Variants in MLPH observed in about 807,000 individuals in gnomAD.
The protein encoded by MLPH is exophilin-3.
In MLPH, 51 loss-of-function variants were observed where a neutral mutation model predicts 72.1. The ratio of observed to expected loss-of-function variants is 0.71; its 90% CI spans 0.56 to 0.89. MLPH has a LOEUF of 0.89. Among genes scored for constraint, MLPH ranks in the 40% least tolerant of loss-of-function variants. The pLI is 0.00. For synonymous variants in MLPH, 301 were observed against 310.1 expected, an observed-to-expected ratio of 0.97 and a Z score of 0.31; for missense variants, 743 against 759.9, an observed-to-expected ratio of 0.98 and a Z score of 0.26.
At chr2:237,543,036 G>A (rs1269293976) in intron 12 of MLPH, among the ~76,000 whole-genome samples, 3 of 70,588 alleles carry the variant, frequency 4.3e-5, no homozygotes, top group African/African-American at 6.8e-5. Flanking sequence ...GGGGACAGTA[G>A]TGAGTGGGGG....
At chr2:237,497,039 A>G (rs1328646900) in intron 2 of MLPH, among the ~76,000 whole-genome samples, 2 of 152,126 alleles carry the variant, frequency 1.3e-5, no homozygotes, top group Non-Finnish European at 2.9e-5. Context: ...GGCTGGGGGC[A>G]GGGTTGGAGA....
chr2:237,547,013 T>A (rs2080934646), intron 13 of MLPH, among the ~76,000 whole-genome samples: 1 of 152,220 alleles, frequency 6.6e-6, no homozygotes, highest in Admixed American at 6.5e-5. Context: ...TCAGTCCTCC[T>A]GGGGGCTCTG....
At chr2:237,546,739 C>T in intron 13 of MLPH, 56 bp downstream of exon 13, 1 of 1,466,460 alleles carries the variant, frequency 6.8e-7, no homozygotes. Context: ...AGACTGCACC[C>T]CTTTCCAGCA....
rs557090472 is a variant in MLPH at position 237,509,041 on chromosome 2, C to T, written c.111-1533C>T. Among the ~76,000 whole-genome samples the T allele has an allele frequency of 2.0e-5, 3 of 152,246 alleles. No individual in the cohort carries two copies. The South Asian group carries it at 6.2e-4, about 32-fold the overall frequency. On this transcript the variant is annotated intron_variant, in intron 2 of 15. Coordinates refer to ENST00000264605, the MANE Select transcript of MLPH (RefSeq NM_024101.7). Reference sequence around the variant, plus strand: ...AGCAGAGTGCATGGAGTGCTCTGGCCCCATTCACTCCTCAGGATCGGAAGC... The same window carrying T: ...AGCAGAGTGCATGGAGTGCTCTGGCTCCATTCACTCCTCAGGATCGGAAGC...
intron 2 of MLPH, among the ~76,000 whole-genome samples, chr2:237,498,123 T>C (rs145968542): frequency 2.6e-5 from 4 of 152,296 alleles, no homozygotes; most frequent in Non-Finnish European, 2.9e-5. Context: ...GAAAGAGCTT[T>C]ACTACCCAGA....
chr2:237,487,627 G>T (rs540634697), intron 1 of MLPH, among the ~76,000 whole-genome samples, 190 bp downstream of exon 1: 7 of 152,262 alleles, frequency 4.6e-5, no homozygotes, highest in Non-Finnish European at 8.8e-5. Flanking sequence ...TAGTCCCCCA[G>T]GCTTCACCTG....
intron 14 of MLPH, among the ~76,000 whole-genome samples, chr2:237,551,208 C>T (rs2081033067): frequency 6.6e-6 from 1 of 152,256 alleles, no homozygotes; most frequent in Admixed American, 6.5e-5. Flanking sequence ...CGTGATCCCT[C>T]GAGTTAGGTG....
chr2:237,504,443 C>T lies in MLPH; in HGVS notation c.111-6131C>T, dbSNP rs371618010. On this transcript the variant is annotated intron_variant, in intron 2 of 15. Coordinates refer to ENST00000264605, the MANE Select transcript of MLPH (RefSeq NM_024101.7). ...ATGTTGGCCAGGCTGGTCTCGAACT[C>T]CTGACCTCAGGTGATCCACCCACCT... Among the ~76,000 whole-genome samples the T allele has an allele frequency of 6.1e-3, 930 of 152,274 alleles. 2 individuals carry two copies. The highest frequency in any genetic ancestry group is 0.021 in the African/African-American group (878 of 41,558).
Position 237,512,955 on chromosome 2 carries a change from CAG to C in MLPH, c.445+1856_445+1857del, listed in dbSNP as rs2079937276. ...GGTGGCGCTGTGGGGCAACAGAAAA[CAG>C]AAAACAGCTGCTCCTTGAACTTGGA... is the stretch of plus-strand genomic sequence containing the variant. On this transcript the variant is annotated intron_variant, in intron 4 of 15. Transcript: ENST00000264605. This position sits in a 1 kb window ranked among gnomAD's most constrained non-coding sequence, Gnocchi z 5.5. Among the ~76,000 whole-genome samples the C allele has an allele frequency of 6.6e-6, 1 of 152,166 alleles. No individual in the cohort carries two copies. Among genetic ancestry groups the C allele is most frequent in the African/African-American group, 2.4e-5 (1 of 41,438 alleles).
chr2:237,550,773 T>C (rs1015180612), intron 14 of MLPH, among the ~76,000 whole-genome samples: 3 of 152,128 alleles, frequency 2.0e-5, no homozygotes, highest in African/African-American at 7.2e-5. Flanking sequence ...GGTCTCGAAC[T>C]CCTGACGTCA....
At chr2:237,513,119 A>G (rs570881122) in intron 4 of MLPH, among the ~76,000 whole-genome samples, 7 of 150,728 alleles carry the variant, frequency 4.6e-5, no homozygotes, top group African/African-American at 1.7e-4. Flanking sequence ...AAAAAAAAAA[A>G]GGAGGGTAAA....
intron 1 of MLPH, among the ~76,000 whole-genome samples, chr2:237,492,723 C>T (rs763166820): frequency 3.3e-5 from 5 of 152,340 alleles, no homozygotes; most frequent in South Asian, 2.1e-4. Flanking sequence ...ACAAGCACAT[C>T]GCCCTCACAG....
chr2:237,530,875 G>A (rs1292759532), intron 8 of MLPH, among the ~76,000 whole-genome samples: 2 of 152,324 alleles, frequency 1.3e-5, no homozygotes, highest in South Asian at 2.1e-4. Flanking sequence ...GAGCTCTGGC[G>A]GGGACTCAGA....
At chr2:237,499,692 T>C (rs1574836865) in intron 2 of MLPH, among the ~76,000 whole-genome samples, 1 of 152,324 alleles carries the variant, frequency 6.6e-6, no homozygotes, top group African/African-American at 2.4e-5. Context: ...TCACAAGACA[T>C]TGTCCAGTAG....
rs950479187 is a variant in MLPH, at chr2:237,514,603, T to A, written c.445+3502T>A. 3.9e-5 allele frequency among the ~76,000 whole-genome samples: 6 copies of A among 152,210 alleles called. 1 individual carries two copies. Among genetic ancestry groups the A allele is most frequent in the African/African-American group, 1.4e-4 (6 of 41,456 alleles). The stretch of plus-strand genomic sequence containing the variant: ...GCAGGAGAAGGTCAGAGAGAAACTT[T>A]GCTTCTGAGGCTGCTGCTGAGGCCC... On this transcript the variant is annotated intron_variant, in intron 4 of 15. Coordinates refer to ENST00000264605, the MANE Select transcript of MLPH (RefSeq NM_024101.7).
rs192633152 is a variant in MLPH at position 237,529,039 on chromosome 2, G to T, written c.1020+1523G>T. Among the ~76,000 whole-genome samples, 1,026 of 152,200 alleles carry T rather than the reference G, an allele frequency of 6.7e-3. 37 individuals carry two copies. Among genetic ancestry groups the T allele is most frequent in the Admixed American group, 0.061 (928 of 15,282 alleles). ...GTCAGCTATGTGAAACGCTTAGCAG[G>T]CTGTATTATTATTATTTTTTTTAGA... On this transcript the variant is annotated intron_variant, in intron 8 of 15. Coordinates refer to ENST00000264605, the MANE Select transcript of MLPH (RefSeq NM_024101.7).
chr2:237,540,577 A>C, intron 10 of MLPH, 44 bp downstream of exon 10: 1 of 1,582,840 alleles, frequency 6.3e-7, no homozygotes, highest in African/African-American at 1.3e-5. Context: ...CTGCAGAGGT[A>C]GGGGCAGGGA....
At chr2:237,529,341 C>T (rs2106348493) in intron 8 of MLPH, among the ~76,000 whole-genome samples, 1 of 152,304 alleles carries the variant, frequency 6.6e-6, no homozygotes, top group Non-Finnish European at 1.5e-5. Context: ...CCATGCCCAG[C>T]CCCTTAGCAG....
chr2:237,488,169 T>C (rs982033889), intron 1 of MLPH, among the ~76,000 whole-genome samples: 1 of 152,162 alleles, frequency 6.6e-6, no homozygotes, highest in Non-Finnish European at 1.5e-5. Context: ...GGTCCTTTTT[T>C]AGATGGTGTG....
Sources: gnomAD v4.1 joint callset for allele counts (sites outside exome capture counted in the v4.1 genomes callset) on GRCh38, gnomAD v4.1.1 for gene constraint, Gnocchi (gnomAD v3.1) non-coding constraint, MANE v1.5 for transcripts, NCBI Gene and HGNC (gene_info 2026-07-23, HGNC 2026-07-21) for gene names.